Variants in SNX29 observed in about 807,000 individuals in gnomAD.
SNX29 encodes the protein sorting nexin 29, also known as sorting nexin-29.
In SNX29, 78 loss-of-function variants were observed where a neutral mutation model predicts 102.1. The observed-to-expected ratio is 0.76, with a 90% confidence interval of 0.64 to 0.92. The LOEUF (loss-of-function observed/expected upper bound fraction) is 0.92. Ranked by LOEUF, SNX29 falls within the 40% of genes least tolerant of loss-of-function variation. SNX29 has a pLI of 0.00. For missense variants in SNX29, 1,280 were observed against 1,061.7 expected, an observed-to-expected ratio of 1.21 and a Z score of -2.86; for synonymous variants, 580 against 414.5, an observed-to-expected ratio of 1.40 and a Z score of -4.85.
chr16:12,298,322 A>G (rs1011901479), intron 15 of SNX29, among the ~76,000 whole-genome samples: 1 of 152,182 alleles, frequency 6.6e-6, no homozygotes, highest in African/African-American at 2.4e-5. Flanking sequence ...GATAACACAG[A>G]TAATTTCCTT....
chr16:12,240,357 G>A (rs1031265519), intron 14 of SNX29, among the ~76,000 whole-genome samples: 7 of 152,094 alleles, frequency 4.6e-5, no homozygotes, highest in Admixed American at 3.9e-4. Context: ...TCCTTGGTAC[G>A]GGGTATTGTC....
chr16:12,251,022 G>A (rs567335485), intron 14 of SNX29, among the ~76,000 whole-genome samples: 2 of 152,348 alleles, frequency 1.3e-5, no homozygotes, highest in Non-Finnish European at 2.9e-5. Flanking sequence ...TCACCTTCAG[G>A]GCCCTGCCCT....
intron 13 of SNX29, among the ~76,000 whole-genome samples, chr16:12,171,070 GT>G (rs1005675983): frequency 4.6e-5 from 7 of 152,166 alleles, no homozygotes; most frequent in Non-Finnish European, 8.8e-5. Flanking sequence ...ACTAGGCCCG[GT>G]GCTTGTTTGC....
chr16:12,060,313 T>G (rs993951637), intron 8 of SNX29, among the ~76,000 whole-genome samples: 3 of 152,202 alleles, frequency 2.0e-5, no homozygotes, highest in African/African-American at 7.2e-5. Flanking sequence ...GACTTCAGGC[T>G]AGGCGAGGTG....
At chr16:12,467,898 C>T (rs1025898752) in intron 18 of SNX29, among the ~76,000 whole-genome samples, 10 of 152,090 alleles carry the variant, frequency 6.6e-5, no homozygotes, top group Non-Finnish European at 1.0e-4. Context: ...GGATAGGCAT[C>T]GAGGCTGTCC....
At chr16:12,008,011 T>C (rs893322257) in intron 3 of SNX29, among the ~76,000 whole-genome samples, 7 of 152,166 alleles carry the variant, frequency 4.6e-5, no homozygotes, top group African/African-American at 1.7e-4. Context: ...TGGCGCTATC[T>C]CGGCTCCCTG....
At chr16:12,416,286 C>A (rs756980261) in intron 18 of SNX29, among the ~76,000 whole-genome samples, 18 of 152,130 alleles carry the variant, frequency 1.2e-4, no homozygotes, top group Non-Finnish European at 2.2e-4. Flanking sequence ...TGTCTCGGGG[C>A]ACCGCCCAGT....
At chr16:12,361,981 C>CT in intron 16 of SNX29, among the ~76,000 whole-genome samples, 1 of 152,236 alleles carries the variant, frequency 6.6e-6, no homozygotes, top group Non-Finnish European at 1.5e-5. Context: ...GAGCACATGC[C>CT]TATACATGTT....
chr16:12,182,622 C>T (rs927450260), intron 13 of SNX29, among the ~76,000 whole-genome samples: 2 of 152,166 alleles, frequency 1.3e-5, no homozygotes, highest in Non-Finnish European at 2.9e-5. Flanking sequence ...CATCTGTTTA[C>T]CCTCAATGGG....
At chr16:11,988,805 T>C (rs2055732460) in intron 1 of SNX29, among the ~76,000 whole-genome samples, 1 of 152,208 alleles carries the variant, frequency 6.6e-6, no homozygotes, top group South Asian at 2.1e-4. Context: ...GTTTTGCAAA[T>C]AAAGTTTTAT....
intron 3 of SNX29, among the ~76,000 whole-genome samples, chr16:12,004,075 C>T (rs1259399750): frequency 1.3e-5 from 2 of 151,582 alleles, no homozygotes; most frequent in Admixed American, 6.6e-5. Context: ...GGCGCAGTGG[C>T]TCACGCCTGT....
chr16:12,217,714 C>T (rs145287805), intron 14 of SNX29, among the ~76,000 whole-genome samples: 6 of 152,300 alleles, frequency 3.9e-5, no homozygotes, highest in African/African-American at 1.4e-4. Flanking sequence ...TTACCATGGG[C>T]ATATGTGCTG....
intron 13 of SNX29, chr16:12,135,473 G>C: frequency 7.7e-7 from 1 of 1,292,964 alleles, no homozygotes; most frequent in Non-Finnish European, 1.0e-6. Flanking sequence ...CATGTGACCA[G>C]GATGGTCTGA....
intron 20 of SNX29, among the ~76,000 whole-genome samples, chr16:12,540,071 G>A (rs564130087): frequency 1.3e-5 from 2 of 152,196 alleles, no homozygotes; most frequent in South Asian, 4.1e-4. Context: ...TGCTTTTGGT[G>A]TCATGTCTAC....
chr16:12,099,930 A>T (rs2052939067), intron 11 of SNX29, among the ~76,000 whole-genome samples: 1 of 152,102 alleles, frequency 6.6e-6, no homozygotes, highest in African/African-American at 2.4e-5. Flanking sequence ...ATGGTACTTG[A>T]TCAGTGTGCA....
Position 12,061,597 on chromosome 16 carries a change from C to G in SNX29, c.1194C>G (p.Asp398Glu). The stretch of plus-strand genomic sequence containing the variant: ...CTCCGCTGAAGGTGCTGCACAATGA[C>G]TCCGACATCCTCTTCCCTGTCAGTG... ...SWAPLKVLHN[D>E]SDILFPVSGV... The change falls in exon 9 of 21, where the codon GAC (aspartate) becomes GAG (glutamate). Residue 398 changes from aspartate (D) to glutamate (E), a missense_variant. Asp to Glu is a conservative substitution (Grantham distance 45). Coordinates refer to ENST00000566228, the MANE Select transcript of SNX29 (RefSeq NM_032167.5). 1 of 1,612,158 alleles carries G rather than the reference C, an allele frequency of 6.2e-7. No homozygotes were observed. The highest frequency in any genetic ancestry group is 8.5e-7 in the Non-Finnish European group (1 of 1,179,362).
At chr16:12,047,232 G>C (rs1474096237) in intron 6 of SNX29, among the ~76,000 whole-genome samples, 5 of 152,308 alleles carry the variant, frequency 3.3e-5, no homozygotes, top group Admixed American at 3.3e-4. Flanking sequence ...ACCCTGGGTT[G>C]ATGTTAGTCG....
At chr16:12,538,835 C>T (rs373654219) in intron 20 of SNX29, among the ~76,000 whole-genome samples, 11 of 152,240 alleles carry the variant, frequency 7.2e-5, no homozygotes, top group East Asian at 5.8e-4. Context: ...ACTGCAAAGT[C>T]ACGTGGCAAA....
At chr16:12,467,086 G>A (rs1016461412) in intron 18 of SNX29, among the ~76,000 whole-genome samples, 32 of 152,186 alleles carry the variant, frequency 2.1e-4, no homozygotes, top group African/African-American at 6.8e-4. Flanking sequence ...CATGAAGTCG[G>A]GCAGACCTGG....
Sources: allele counts gnomAD v4.1 joint callset (sites outside exome capture counted in the v4.1 genomes callset), GRCh38; gene constraint gnomAD v4.1.1; transcripts MANE v1.5; gene names NCBI Gene and HGNC (gene_info 2026-07-23, HGNC 2026-07-21).